Variants in STON1 observed in about 807,000 individuals in gnomAD.
The protein encoded by STON1 is stonin-1.
Under a neutral mutation model 60.9 loss-of-function variants are expected in STON1, and 79 were observed. The ratio of observed to expected loss-of-function variants is 1.30; its 90% CI spans 1.08 to 1.56. The LOEUF (loss-of-function observed/expected upper bound fraction) is 1.56. Among genes scored for constraint, STON1 ranks in the 40% most tolerant of loss-of-function variants. The pLI, the probability that STON1 is intolerant of heterozygous loss-of-function variation, is 0.00. For synonymous variants in STON1, 363 were observed against 306.9 expected (o/e 1.18, Z -1.91); for missense variants, 1,166 against 858.9 (o/e 1.36, Z -4.47).
In STON1 at chr2:48,582,219, C is replaced by A. The variant is rs768840869; in HGVS notation, c.1586C>A (p.Ser529Tyr). ...TLYNGDNLPF[S>Y]LKSVVVVQGA... ...TATAATGGGGATAATCTTCCCTTTT[C>A]CTTGAAGTCTGTAGTGGTTGTCCAG... The change falls in exon 2 of 4, where the codon TCC becomes TAC. Residue 529 changes from serine (S) to tyrosine (Y), a missense_variant. Physicochemically the swap from Ser to Tyr is moderately radical, Grantham distance 144 (BLOSUM62 -2). Transcript: ENST00000404752. 1.2e-6 allele frequency: 2 copies of A among 1,614,206 alleles called. No individual in the cohort carries two copies. The highest frequency in any genetic ancestry group is 1.7e-6 in the Non-Finnish European group (2 of 1,180,044).
chr2:48,573,196 T>G (rs1173051558), intron 1 of STON1, among the ~76,000 whole-genome samples: 1 of 152,196 alleles, frequency 6.6e-6, no homozygotes. Flanking sequence ...TTTACATCAG[T>G]AGATCTCAGG....
intron 1 of STON1, among the ~76,000 whole-genome samples, chr2:48,564,504 C>CTTTCTTCTTCT: frequency 4.0e-5 from 1 of 25,148 alleles, no homozygotes; most frequent in Admixed American, 4.4e-4. Context: ...TCTTCTTCTT[C>CTTTCTTCTTCT]TTCTTCTTCT....
intron 1 of STON1, among the ~76,000 whole-genome samples, chr2:48,577,945 C>T (rs1349206794): frequency 6.6e-6 from 1 of 151,338 alleles, no homozygotes; most frequent in Non-Finnish European, 1.5e-5. Flanking sequence ...AAAAACCCCC[C>T]AGAGTTTTAT....
intron 1 of STON1, among the ~76,000 whole-genome samples, chr2:48,538,201 C>A (rs1332699450): frequency 1.3e-5 from 2 of 152,086 alleles, no homozygotes; most frequent in African/African-American, 2.4e-5. Context: ...TCATGATATC[C>A]CCTCCTCGGC....
At position 48,581,571 on chromosome 2, in the gene STON1, AG is replaced by A; in HGVS notation, c.941del (p.Gly314AspfsTer2). On this transcript the variant is annotated frameshift_variant, in exon 2 of 4. Coordinates refer to ENST00000404752, the MANE Select transcript of STON1 (RefSeq NM_006873.4). LOFTEE classifies it high-confidence loss of function. ...PGGILQMYYEQGLEKPFKEIQ... is the reference protein window; with the variant it reads ...PGGILQMYYEXGLEKPFKEIQ... Reference sequence around the variant, plus strand: ...GGAATTTTGCAGATGTATTATGAACAGGGATTAGAAAAACCATTTAAAGAGA... The same window carrying A: ...GGAATTTTGCAGATGTATTATGAACAGGATTAGAAAAACCATTTAAAGAGA... 1 of 1,614,240 alleles carries A rather than the reference AG, an allele frequency of 6.2e-7. No individual in the cohort carries two copies. The highest frequency in any genetic ancestry group is 8.5e-7 in the Non-Finnish European group (1 of 1,180,044).
chr2:48,549,711 C>G (rs1330370465), intron 1 of STON1, among the ~76,000 whole-genome samples: 2 of 148,178 alleles, frequency 1.3e-5, no homozygotes, highest in Non-Finnish European at 3.0e-5. Context: ...ACTTGGGAAG[C>G]TGAGGCAGGA....
intron 1 of STON1, among the ~76,000 whole-genome samples, chr2:48,578,170 T>C (rs1482526043): frequency 6.6e-6 from 1 of 151,944 alleles, no homozygotes; most frequent in East Asian, 1.9e-4. Context: ...AGAGATGGGG[T>C]TTCACCATGT....
chr2:48,590,716 C>T (rs930227601), intron 2 of STON1, among the ~76,000 whole-genome samples: 1 of 151,240 alleles, frequency 6.6e-6, no homozygotes, highest in Admixed American at 6.6e-5. Context: ...GGGTCTGGCA[C>T]TGAACCTGGC....
At chr2:48,549,826 AAAAAAAAG>A in intron 1 of STON1, among the ~76,000 whole-genome samples, 1 of 151,516 alleles carries the variant, frequency 6.6e-6, no homozygotes, top group Admixed American at 6.6e-5. Flanking sequence ...AAAAAAAAAA[AAAAAAAAG>A]AGAAAAGAAA....
rs200133112 is a variant in STON1, at chr2:48,577,939, AC to A, written c.-47-2642del. On this transcript the variant is annotated intron_variant, in intron 1 of 3. Transcript: ENST00000404752. Reference sequence around the variant, plus strand: ...CCAAAAAAAACCAAAAAAACAAAAAACCCCCCAGAGTTTTATAGTTTCAAGT... The same window carrying A: ...CCAAAAAAAACCAAAAAAACAAAAAACCCCCAGAGTTTTATAGTTTCAAGT... Among the ~76,000 whole-genome samples the A allele has an allele frequency of 4.4e-3, 643 of 147,210 alleles. 11 individuals are homozygous for A. Among genetic ancestry groups the A allele is most frequent in the Admixed American group, 0.038 (553 of 14,688 alleles).
At chr2:48,542,092 C>T (rs543094213) in intron 1 of STON1, among the ~76,000 whole-genome samples, 1 of 152,348 alleles carries the variant, frequency 6.6e-6, no homozygotes, top group South Asian at 2.1e-4. Context: ...TGTTCTGTTT[C>T]TGCTGGGCAT....
At chr2:48,556,280 C>T (rs1672351329) in intron 1 of STON1, among the ~76,000 whole-genome samples, 1 of 17,726 alleles carries the variant, frequency 5.6e-5, no homozygotes, top group Non-Finnish European at 1.3e-4. Flanking sequence ...CCTCACTTCC[C>T]AGTAGGGGCG....
intron 1 of STON1, among the ~76,000 whole-genome samples, chr2:48,566,467 G>A (rs1265927526): frequency 6.6e-6 from 1 of 151,354 alleles, no homozygotes; most frequent in Admixed American, 6.6e-5. Flanking sequence ...ATTTTTAGTA[G>A]AGACGGGGTT....
At chr2:48,573,565 G>T (rs958737664) in intron 1 of STON1, among the ~76,000 whole-genome samples, 1 of 151,974 alleles carries the variant, frequency 6.6e-6, no homozygotes, top group African/African-American at 2.4e-5. Context: ...CCCCACATCA[G>T]TGTTGTGGTC....
chr2:48,560,659 G>A (rs1386099635), intron 1 of STON1, among the ~76,000 whole-genome samples: 1 of 152,162 alleles, frequency 6.6e-6, no homozygotes, highest in Non-Finnish European at 1.5e-5. Context: ...AGAGGCAGCC[G>A]TTGCTAGGGC....
At chr2:48,566,072 A>ATCTATT (rs1227425141) in intron 1 of STON1, among the ~76,000 whole-genome samples, 3 of 152,272 alleles carry the variant, frequency 2.0e-5, no homozygotes, top group Non-Finnish European at 2.9e-5. Context: ...ACATTAGTTA[A>ATCTATT]AGTGGTGAGA....
At position 48,552,550 on chromosome 2, in the gene STON1, G is replaced by A. The variant is rs113633056; in HGVS notation, c.-48+22334G>A. On this transcript the variant is annotated intron_variant, in intron 1 of 3. Coordinates refer to ENST00000404752, the MANE Select transcript of STON1 (RefSeq NM_006873.4). ...GGCCGAGGTGGGCAGGTCTCCTGGG[G>A]TCAGGAGTTCGGGACCAGCCTTGCC... Among the ~76,000 whole-genome samples, 383 of 152,128 alleles carry A rather than the reference G, an allele frequency of 2.5e-3. 4 individuals carry two copies. Among genetic ancestry groups the A allele is most frequent in the African/African-American group, 8.7e-3 (361 of 41,482 alleles).
At chr2:48,568,365 T>C (rs904658965) in intron 1 of STON1, among the ~76,000 whole-genome samples, 1 of 152,204 alleles carries the variant, frequency 6.6e-6, no homozygotes, top group Admixed American at 6.5e-5. Context: ...CACATGCATC[T>C]AATCTGACTT....
At chr2:48,561,083 C>T (rs1231228747) in intron 1 of STON1, among the ~76,000 whole-genome samples, 1 of 152,230 alleles carries the variant, frequency 6.6e-6, no homozygotes, top group Non-Finnish European at 1.5e-5. Flanking sequence ...CATTGTCTTG[C>T]ATTCAGCTCT....
Sources: gnomAD v4.1 joint callset for allele counts (sites outside exome capture counted in the v4.1 genomes callset) on GRCh38, gnomAD v4.1.1 for gene constraint, MANE v1.5 for transcripts, NCBI Gene and HGNC (gene_info 2026-07-23, HGNC 2026-07-21) for gene names.